Variants in PRDM1 observed in about 807,000 individuals in gnomAD.
PRDM1 encodes the protein PR domain zinc finger protein 1.
A neutral mutation model predicts 62.8 loss-of-function variants in PRDM1; 13 were observed. The ratio of observed to expected loss-of-function variants is 0.21; its 90% CI spans 0.13 to 0.33. The LOEUF (loss-of-function observed/expected upper bound fraction) is 0.33, where lower values mean the gene tolerates loss of function less well. Ranked by LOEUF, PRDM1 falls within the 10% of genes least tolerant of loss-of-function variation. The pLI is 1.00. For missense variants in PRDM1, 895 were observed against 1,058.8 expected (o/e 0.85, Z 2.15); for synonymous variants, 396 against 417.6 (o/e 0.95, Z 0.63).
At chr6:106,058,650 G>A (rs1203987650) in intron 1 of PRDM1, among the ~76,000 whole-genome samples, 7 of 152,072 alleles carry the variant, frequency 4.6e-5, no homozygotes, top group East Asian at 3.9e-4. Context: ...TCGGCTCACC[G>A]CAACCTCTGC....
In PRDM1 at chr6:106,062,120, C is replaced by T. The variant is rs186768462; in HGVS notation, c.-67+13406C>T. Among the ~76,000 whole-genome samples the T allele has an allele frequency of 2.7e-3, 407 of 152,134 alleles. 2 individuals are homozygous for T. The highest frequency in any genetic ancestry group is 0.017 in the Middle Eastern group (5 of 294). On this transcript the variant is annotated intron_variant, in intron 1 of 6. Transcript: ENST00000651185. ...AAAATTGTAAAAAAATCTTTTAGACCCCACTGTCTACATGGCTTGTTTTGA... is the reference window on the plus strand; with the variant it reads ...AAAATTGTAAAAAAATCTTTTAGACTCCACTGTCTACATGGCTTGTTTTGA...
At chr6:106,040,178 G>A (rs1354645110) in intron 1 of PRDM1, among the ~76,000 whole-genome samples, 2 of 152,232 alleles carry the variant, frequency 1.3e-5, no homozygotes, top group Non-Finnish European at 1.5e-5. Context: ...CTTGAACTGC[G>A]AGGAGCTTAA....
chr6:106,006,179 G>A (rs751193079), intron 1 of PRDM1, among the ~76,000 whole-genome samples: 10 of 152,200 alleles, frequency 6.6e-5, no homozygotes, highest in Admixed American at 2.0e-4. Flanking sequence ...AACATGCTGC[G>A]TGTAAACACT....
At chr6:106,053,690 G>A (rs554292137) in intron 1 of PRDM1, among the ~76,000 whole-genome samples, 1 of 152,132 alleles carries the variant, frequency 6.6e-6, no homozygotes, top group Non-Finnish European at 1.5e-5. Flanking sequence ...GCTCTCCTTG[G>A]GACCTAGTTA....
At chr6:106,102,029 T>C (rs1220227109) in intron 4 of PRDM1, among the ~76,000 whole-genome samples, 1 of 152,224 alleles carries the variant, frequency 6.6e-6, no homozygotes, top group Non-Finnish European at 1.5e-5. Flanking sequence ...GACCAAATTA[T>C]AGACTTCTAA....
Position 106,105,102 on chromosome 6 carries a change from G to A in PRDM1, c.942G>A (p.Leu314=). ...PLPEDFLKAS[L]AYGIERPTYI... Reference sequence around the variant, plus strand: ...CAGAAGACTTTTTGAAAGCTTCCCTGGCCTACGGGATCGAGAGACCCACGT... The same window carrying A: ...CAGAAGACTTTTTGAAAGCTTCCCTAGCCTACGGGATCGAGAGACCCACGT... The change falls in exon 5 of 7, where the codon CTG becomes CTA. Residue 314 remains leucine, a synonymous_variant. Transcript: ENST00000369096. 6.2e-7 allele frequency: 1 copy of A among 1,613,970 alleles called. No individual in the cohort carries two copies. The highest frequency in any genetic ancestry group is 8.5e-7 in the Non-Finnish European group (1 of 1,179,996).
chr6:106,084,806 A>G (rs1773760955), upstream of PRDM1, among the ~76,000 whole-genome samples: 1 of 152,100 alleles, frequency 6.6e-6, no homozygotes. Flanking sequence ...TGCCTTCTAA[A>G]AGTCCTGCTT....
At chr6:106,098,251 A>G (rs1774165256) in intron 3 of PRDM1, 1 of 985,148 alleles carries the variant, frequency 1.0e-6, no homozygotes, top group Non-Finnish European at 1.2e-6. Context: ...CTTAAAGTCT[A>G]AAGTAAAGGT....
At chr6:106,048,251 G>T (rs1485594956), upstream of PRDM1, among the ~76,000 whole-genome samples, 1 of 151,232 alleles carries the variant, frequency 6.6e-6, no homozygotes, top group Non-Finnish European at 1.5e-5. Context: ...GCCAGACATG[G>T]TGGTGCATAC....
chr6:106,023,170 T>G (rs899432903), intron 1 of PRDM1, among the ~76,000 whole-genome samples: 19 of 152,228 alleles, frequency 1.2e-4, no homozygotes, highest in African/African-American at 4.6e-4. Flanking sequence ...TAGTGGGGAA[T>G]TGTCATGATT....
At chr6:106,056,254 G>C (rs1773265195) in intron 1 of PRDM1, among the ~76,000 whole-genome samples, 1 of 152,160 alleles carries the variant, frequency 6.6e-6, no homozygotes, top group Non-Finnish European at 1.5e-5. Context: ...GCCCTCAGCA[G>C]CGAAATGGGA....
At position 106,108,971 on chromosome 6, in the gene PRDM1, G is replaced by A. The variant is rs1774601162; in HGVS notation, c.*1485G>A. 3 of 217,802 alleles carry A rather than the reference G, an allele frequency of 1.4e-5. No homozygotes were observed. The allele number at this position is 217,802 out of a possible 1,614,324, so 13.5% of individuals were successfully genotyped here. On this transcript the variant is annotated 3_prime_UTR_variant, in exon 7 of 7. Coordinates refer to ENST00000369096, the MANE Select transcript of PRDM1 (RefSeq NM_001198.4). ...CAAAGATTACATGTTGGTGTTCAAAGTGTAGCAAAAAATGATGTATATTTA... is the reference window on the plus strand; with the variant it reads ...CAAAGATTACATGTTGGTGTTCAAAATGTAGCAAAAAATGATGTATATTTA...
chr6:106,056,773 C>T (rs1320179075), intron 1 of PRDM1, among the ~76,000 whole-genome samples: 1 of 152,204 alleles, frequency 6.6e-6, no homozygotes, highest in African/African-American at 2.4e-5. Flanking sequence ...AATGACTTCT[C>T]ATTTTCCACT....
chr6:106,063,949 T>C (rs1280297208), intron 1 of PRDM1, among the ~76,000 whole-genome samples: 1 of 151,972 alleles, frequency 6.6e-6, no homozygotes, highest in Non-Finnish European at 1.5e-5. Flanking sequence ...GCTTAGAGAG[T>C]TCAAAGCTCA....
At position 106,088,369 on chromosome 6, in the gene PRDM1, G is replaced by A; in HGVS notation, c.211G>A (p.Ala71Thr). The change falls in exon 2 of 7, where the codon GCT becomes ACT. Residue 71 changes from alanine (A) to threonine (T), a missense_variant. Transcript: ENST00000369096. ...GAACGACCACCCCTGGGATTCTGGT[G>A]CTGATGGCGGTACTTCGGTTCAGGC... is the stretch of plus-strand genomic sequence containing the variant. ...IVNDHPWDSG[A>T]DGGTSVQAEA... 6.2e-7 allele frequency: 1 copy of A among 1,614,158 alleles called. No individual in the cohort carries two copies.
At chr6:106,093,599 T>A (rs1370702253) in intron 2 of PRDM1, among the ~76,000 whole-genome samples, 1 of 152,228 alleles carries the variant, frequency 6.6e-6, no homozygotes, top group African/African-American at 2.4e-5. Flanking sequence ...TTCCATTAAT[T>A]TTCCAAATTA....
At chr6:106,027,319 C>T (rs1772777867) in intron 1 of PRDM1, among the ~76,000 whole-genome samples, 1 of 152,226 alleles carries the variant, frequency 6.6e-6, no homozygotes, top group Admixed American at 6.5e-5. Context: ...ACAATGTCCA[C>T]AGAAACCCCA....
chr6:106,019,539 A>G lies in PRDM1; in HGVS notation c.-67+25900A>G, dbSNP rs549327555. On this transcript the variant is annotated intron_variant, in intron 1 of 6. Coordinates refer to the PRDM1 transcript ENST00000652320. ...GCTAAAAATGAAACGGGGTAGCTGG[A>G]GAAGTAGATGTGAATATTTTCTATA... 1.0e-3 allele frequency among the ~76,000 whole-genome samples: 154 copies of G among 151,974 alleles called. 2 individuals carry two copies. The highest frequency in any genetic ancestry group is 9.8e-3 in the Admixed American group (150 of 15,268).
intron 4 of PRDM1, among the ~76,000 whole-genome samples, chr6:106,104,340 T>C (rs542262798): frequency 6.6e-5 from 10 of 152,094 alleles, no homozygotes; most frequent in Non-Finnish European, 1.3e-4. Flanking sequence ...GCCTCCCAAG[T>C]AGCTGGGATT....
Sources: allele counts gnomAD v4.1 joint callset (sites outside exome capture counted in the v4.1 genomes callset), GRCh38; gene constraint gnomAD v4.1.1; transcripts MANE v1.5; gene names NCBI Gene and HGNC (gene_info 2026-07-23, HGNC 2026-07-21).